PTPN2: variants seen among roughly 807,000 people sequenced by gnomAD.
The protein encoded by PTPN2 is tyrosine-protein phosphatase non-receptor type 2.
A neutral mutation model predicts 57.3 loss-of-function variants in PTPN2; 19 were observed. The observed-to-expected ratio is 0.33, with a 90% CI of 0.23 to 0.49. PTPN2 has a LOEUF of 0.49. PTPN2 is among the 20% of genes least tolerant of loss of function. The pLI, the probability that PTPN2 is intolerant of heterozygous loss-of-function variation, is 0.99. For missense variants in PTPN2, 358 were observed against 501.1 expected (o/e 0.71, Z 2.73); for synonymous variants, 153 against 164.9 (o/e 0.93, Z 0.55).
rs564048096 is a variant in PTPN2 at position 12,871,246 on chromosome 18, A to G, written c.70-11992T>C. Among the ~76,000 whole-genome samples, 3 of 152,342 alleles carry G rather than the reference A, an allele frequency of 2.0e-5. No homozygotes were observed. The East Asian group carries it at 5.8e-4, about 29-fold the overall frequency. On this transcript the variant is annotated intron_variant, in intron 1 of 8. Transcript: ENST00000309660. Reference sequence around the variant, plus strand: ...TTTCTAGGTTTTAGCTGTTATAAATAATGCTGCTATGAATAACCTTTCAAA... The same window carrying G: ...TTTCTAGGTTTTAGCTGTTATAAATGATGCTGCTATGAATAACCTTTCAAA...
chr18:12,820,646 TCTC>T (rs1401939660), intron 5 of PTPN2, among the ~76,000 whole-genome samples: 5 of 152,116 alleles, frequency 3.3e-5, no homozygotes, highest in Admixed American at 6.6e-5. Context: ...TCACACTACT[TCTC>T]CTCTGGTCCC....
intron 5 of PTPN2, among the ~76,000 whole-genome samples, chr18:12,819,810 C>T (rs1390828608): frequency 1.9e-5 from 2 of 106,812 alleles, no homozygotes; most frequent in Non-Finnish European, 3.6e-5. Flanking sequence ...GGGTTCTTGA[C>T]AGCGGGGGGT....
chr18:12,825,973 T>G (rs1031742703), intron 4 of PTPN2, 29 bp from the exon 5 acceptor site: 4 of 1,551,666 alleles, frequency 2.6e-6, no homozygotes, highest in Non-Finnish European at 3.5e-6. Context: ...ATATGATTTT[T>G]TTTTAGTTTA....
chr18:12,867,970 T>C (rs11080606), intron 1 of PTPN2, among the ~76,000 whole-genome samples: 44,621 of 152,116 alleles, frequency 0.29, 7,114 homozygotes, highest in East Asian at 0.56. Flanking sequence ...ACAACATATG[T>C]TTGGTCATCT....
chr18:12,802,506 T>C (rs1007487632), intron 7 of PTPN2, among the ~76,000 whole-genome samples: 3 of 152,160 alleles, frequency 2.0e-5, no homozygotes, highest in African/African-American at 7.2e-5. Context: ...GCCAGATCCA[T>C]GAAACTCGAC....
chr18:12,836,712 A>T, intron 3 of PTPN2, 79 bp downstream of exon 3: 1 of 876,484 alleles, frequency 1.1e-6, no homozygotes, highest in South Asian at 1.6e-5. Flanking sequence ...AAGTCAAGAT[A>T]TACTTTTACC....
chr18:12,794,069 G>A lies in PTPN2; in HGVS notation c.*209C>T. ...AACAAACATGAATGTCTTTATTTTAGACAGCCATTTACAGTTTGGGGTTCA... is the reference window on the plus strand; with the variant it reads ...AACAAACATGAATGTCTTTATTTTAAACAGCCATTTACAGTTTGGGGTTCA... On this transcript the variant is annotated 3_prime_UTR_variant, in exon 9 of 9. Coordinates refer to ENST00000309660, the MANE Select transcript of PTPN2 (RefSeq NM_002828.4). 1 of 1,415,038 alleles carries A rather than the reference G, an allele frequency of 7.1e-7. No homozygotes were observed. Among genetic ancestry groups the A allele is most frequent in the South Asian group, 1.6e-5 (1 of 62,056 alleles). The allele number at this position is 1,415,038 out of a possible 1,614,324, so 87.7% of individuals were successfully genotyped here. A position where few individuals can be genotyped will look rare whatever the true frequency, so the allele number is the denominator to read the frequency against.
At position 12,794,085 on chromosome 18, in the gene PTPN2, T is replaced by C. The variant is rs764268570; in HGVS notation, c.*193A>G. The C allele has an allele frequency of 1.0e-4, 150 of 1,429,904 alleles. No individual in the cohort carries two copies. The highest frequency in any genetic ancestry group is 1.3e-4 in the Non-Finnish European group (148 of 1,098,650). 88.6% of individuals were successfully genotyped at this position (1,429,904 alleles called of 1,614,324 possible). On this transcript the variant is annotated 3_prime_UTR_variant, in exon 9 of 9. Coordinates refer to ENST00000309660, the MANE Select transcript of PTPN2 (RefSeq NM_002828.4). ...TTTATTTTAGACAGCCATTTACAGT[T>C]TGGGGTTCAGAGGAACCTGCAGTCA...
chr18:12,882,330 T>C (rs987990165), intron 1 of PTPN2, among the ~76,000 whole-genome samples: 1 of 152,246 alleles, frequency 6.6e-6, no homozygotes, highest in Non-Finnish European at 1.5e-5. Context: ...TAAGAATCTA[T>C]AGAAGGATTT....
intron 7 of PTPN2, among the ~76,000 whole-genome samples, chr18:12,811,650 A>T (rs995103813): frequency 1.3e-5 from 2 of 151,858 alleles, no homozygotes; most frequent in African/African-American, 4.8e-5. Flanking sequence ...CAGCAAACTC[A>T]CTCATGCCTA....
At chr18:12,865,172 C>T (rs537331283) in intron 1 of PTPN2, among the ~76,000 whole-genome samples, 14 of 152,218 alleles carry the variant, frequency 9.2e-5, no homozygotes, top group African/African-American at 2.6e-4. Flanking sequence ...TGAGGCCAGG[C>T]GCTGTGAGTC....
At chr18:12,814,470 G>A (rs1311878412) in intron 6 of PTPN2, 115 bp from the exon 7 acceptor site, 18 of 865,710 alleles carry the variant, frequency 2.1e-5, no homozygotes, top group African/African-American at 3.4e-5. Context: ...AAAGAACAAC[G>A]ATAATTTAAC....
chr18:12,794,456 C>T lies in PTPN2; in HGVS notation c.1070G>A (p.Arg357Lys), dbSNP rs766193092. 1.2e-6 allele frequency: 2 copies of T among 1,613,858 alleles called. No homozygotes were observed. Among genetic ancestry groups the T allele is most frequent in the African/African-American group, 1.3e-5 (1 of 74,910 alleles). ...CACCTTCTGAGCTGTGGTGGCCTTTCTGTCCTCTCGAATACGTTTCCGTAG... is the reference window on the plus strand; with the variant it reads ...CACCTTCTGAGCTGTGGTGGCCTTTTTGTCCTCTCGAATACGTTTCCGTAG... ...SALRKRIREDRKATTAQKVQQ... is the reference protein window; with the variant it reads ...SALRKRIREDKKATTAQKVQQ... The change falls in exon 9 of 9, where the codon AGA (arginine) becomes AAA (lysine). Residue 357 changes from arginine to lysine, a missense_variant. Arg to Lys is a conservative substitution (Grantham distance 26). Coordinates refer to ENST00000309660, the MANE Select transcript of PTPN2 (RefSeq NM_002828.4).
In PTPN2 at chr18:12,804,518, GA is replaced by G. The variant is rs796398549; in HGVS notation, c.859-2368del. Among the ~76,000 whole-genome samples the G allele has an allele frequency of 4.2e-3, 590 of 139,196 alleles. 3 individuals are homozygous for G. Among genetic ancestry groups the G allele is most frequent in the African/African-American group, 0.015 (558 of 37,956 alleles). 91.3% of individuals were successfully genotyped at this position (139,196 alleles called of 152,430 possible). A position where few individuals can be genotyped will look rare whatever the true frequency, so the allele number is the denominator to read the frequency against. On this transcript the variant is annotated intron_variant, in intron 7 of 8. Transcript: ENST00000309660. ...AATCAACAAACCTATAGCAGACTAAGAAAAAAAAAAGACTCAAATCAGAGAT... is the reference window on the plus strand; with the variant it reads ...AATCAACAAACCTATAGCAGACTAAGAAAAAAAAAGACTCAAATCAGAGAT...
Position 12,827,184 on chromosome 18 carries a change from A to G in PTPN2, c.361-1240T>C, listed in dbSNP as rs538223456. On this transcript the variant is annotated intron_variant, in intron 4 of 8. Transcript: ENST00000309660. ...CAGTGAAACCCCGTCTCTACTAAAA[A>G]TACAACAAATTAGCCGGGTGTGGTG... 3.3e-5 allele frequency among the ~76,000 whole-genome samples: 5 copies of G among 151,938 alleles called. No homozygotes were observed. In the South Asian group the frequency reaches 1.0e-3, roughly 32 times the overall value.
rs537167863 is a variant in PTPN2, at chr18:12,843,864, T to C, written c.161-6973A>G. 3 of 152,412 alleles carry C rather than the reference T, an allele frequency of 2.0e-5. No homozygotes were observed. In the East Asian group the frequency reaches 5.8e-4, roughly 29 times the overall value. 9.4% of individuals were successfully genotyped at this position (152,412 alleles called of 1,614,324 possible). On this transcript the variant is annotated intron_variant, in intron 2 of 8. Coordinates refer to ENST00000309660, the MANE Select transcript of PTPN2 (RefSeq NM_002828.4). ...TTTGTGTGTGCTCAGTTCTATGCCA[T>C]TTTACCACAAACAAATTCACATGAC... is the stretch of plus-strand genomic sequence containing the variant.
intron 5 of PTPN2, chr18:12,818,837 T>TA (rs1229131026): frequency 6.5e-6 from 1 of 153,020 alleles, no homozygotes; most frequent in Non-Finnish European, 1.5e-5. Flanking sequence ...CTCACACCTA[T>TA]AATCCCAGCA....
chr18:12,860,250 T>C (rs2043750508), intron 1 of PTPN2, among the ~76,000 whole-genome samples: 1 of 144,194 alleles, frequency 6.9e-6, no homozygotes, highest in African/African-American at 2.6e-5. Flanking sequence ...GATCGTGCCA[T>C]TGCACTCCAG....
chr18:12,793,923 G>A lies in PTPN2; in HGVS notation c.*355C>T. On this transcript the variant is annotated 3_prime_UTR_variant, in exon 9 of 9. Coordinates refer to ENST00000309660, the MANE Select transcript of PTPN2 (RefSeq NM_002828.4). ...ACAATATTTATTGCTTATATCAAGT[G>A]CAGGTTAAAATCCAGATAGCCTCCA... is the stretch of plus-strand genomic sequence containing the variant. 8.9e-7 allele frequency: 1 copy of A among 1,118,202 alleles called. No individual in the cohort carries two copies. Among genetic ancestry groups the A allele is most frequent in the Non-Finnish European group, 1.1e-6 (1 of 912,688 alleles). The allele number at this position is 1,118,202 out of a possible 1,614,324, so 69.3% of individuals were successfully genotyped here.
Sources: allele counts gnomAD v4.1 joint callset (sites outside exome capture counted in the v4.1 genomes callset), GRCh38; gene constraint gnomAD v4.1.1; transcripts MANE v1.5; gene names NCBI Gene and HGNC (gene_info 2026-07-23, HGNC 2026-07-21).